Variants in MAP2 observed in about 807,000 individuals in gnomAD.
MAP2 encodes microtubule-associated protein 2.
In MAP2, 14 loss-of-function variants were observed where a neutral mutation model predicts 137.6. That is an observed-to-expected ratio of 0.10 (90% CI 0.07 to 0.16). MAP2 has a LOEUF of 0.16. Ranked by LOEUF, MAP2 falls within the 10% of genes least tolerant of loss-of-function variation. The pLI is 1.00. For missense variants in MAP2, 2,088 were observed against 2,191.5 expected, an observed-to-expected ratio of 0.95 and a Z score of 0.94; for synonymous variants, 786 against 782.3, an observed-to-expected ratio of 1.00 and a Z score of -0.08.
intron 11 of MAP2, chr2:209,703,964 T>C: frequency 2.2e-6 from 1 of 455,520 alleles, no homozygotes; most frequent in Non-Finnish European, 4.4e-6. Flanking sequence ...GTATAACAGA[T>C]TTTTTATTTT....
intron 2 of MAP2, among the ~76,000 whole-genome samples, chr2:209,510,176 A>G (rs1033551795): frequency 1.3e-5 from 2 of 151,898 alleles, no homozygotes; most frequent in African/African-American, 4.8e-5. Context: ...TTTATTATTA[A>G]TACTGCTACC....
At chr2:209,682,185 T>G (rs1229512263) in intron 7 of MAP2, among the ~76,000 whole-genome samples, 1 of 152,096 alleles carries the variant, frequency 6.6e-6, no homozygotes, top group Non-Finnish European at 1.5e-5. Context: ...TATATACTAG[T>G]GAACAAAACA....
intron 2 of MAP2, among the ~76,000 whole-genome samples, chr2:209,519,035 GATTA>G (rs2062909165): frequency 6.6e-6 from 1 of 151,954 alleles, no homozygotes; most frequent in Non-Finnish European, 1.5e-5. Context: ...CAGGGAGACG[GATTA>G]ATTAAAATCA....
In MAP2 at chr2:209,578,516, T is replaced by C. The variant is rs569538417; in HGVS notation, c.-171-1520T>C. 6.6e-5 allele frequency among the ~76,000 whole-genome samples: 10 copies of C among 152,214 alleles called. No homozygotes were observed. The South Asian group carries it at 2.1e-3, about 32-fold the overall frequency. ...CATCATATTTTTTTTTTCTTGACTT[T>C]CTGTTTCCAGTAACCATGGTGATGC... is the stretch of plus-strand genomic sequence containing the variant. On this transcript the variant is annotated intron_variant, in intron 2 of 15. Transcript: ENST00000682079.
chr2:209,664,962 C>CAAAAAAAAAAAAAAAAA (rs67286716), intron 5 of MAP2, among the ~76,000 whole-genome samples: 5 of 51,830 alleles, frequency 9.6e-5, no homozygotes, highest in Non-Finnish European at 1.2e-4. Flanking sequence ...AACTCCGTCT[C>CAAAAAAAAAAAAAAAAA]AAAAAAAAAA....
At chr2:209,670,894 A>G (rs943314540) in intron 5 of MAP2, among the ~76,000 whole-genome samples, 1 of 151,902 alleles carries the variant, frequency 6.6e-6, no homozygotes, top group Admixed American at 6.6e-5. Context: ...ATGTAGGAAT[A>G]CCATATCTTA....
chr2:209,691,146 C>G (rs1029339143), intron 7 of MAP2, among the ~76,000 whole-genome samples: 1 of 151,200 alleles, frequency 6.6e-6, no homozygotes, highest in Non-Finnish European at 1.5e-5. Context: ...TACCCGCCCC[C>G]CCTCATCTCA....
At chr2:209,587,766 G>T (rs2078135850) in intron 3 of MAP2, among the ~76,000 whole-genome samples, 1 of 152,114 alleles carries the variant, frequency 6.6e-6, no homozygotes, top group Non-Finnish European at 1.5e-5. Flanking sequence ...ATCCTTATTA[G>T]CATTTATCCT....
chr2:209,485,642 A>T (rs534789270), intron 1 of MAP2, among the ~76,000 whole-genome samples: 3 of 152,234 alleles, frequency 2.0e-5, no homozygotes, highest in Non-Finnish European at 2.9e-5. Context: ...GTTTGCTTAT[A>T]GAACTAAGCA....
At chr2:209,640,718 G>T (rs1429680085) in intron 4 of MAP2, among the ~76,000 whole-genome samples, 1 of 152,080 alleles carries the variant, frequency 6.6e-6, no homozygotes, top group Admixed American at 6.6e-5. Flanking sequence ...ATCCCATAAA[G>T]AGAAGGGCAC....
intron 2 of MAP2, among the ~76,000 whole-genome samples, chr2:209,511,712 C>T (rs13015584): frequency 0.058 from 8,782 of 151,952 alleles, 282 homozygotes; most frequent in South Asian, 0.091. Context: ...CTTAGGAGTA[C>T]AGGTGTGTGC....
At chr2:209,667,499 G>A (rs2153653989) in intron 5 of MAP2, among the ~76,000 whole-genome samples, 1 of 152,028 alleles carries the variant, frequency 6.6e-6, no homozygotes, top group East Asian at 1.9e-4. Flanking sequence ...TTGGTCAACT[G>A]CTTCATGATC....
intron 2 of MAP2, among the ~76,000 whole-genome samples, chr2:209,552,682 GA>G (rs988768133): frequency 3.3e-5 from 5 of 152,000 alleles, no homozygotes; most frequent in Admixed American, 2.6e-4. Context: ...CCAACATAGT[GA>G]AACCCCATCT....
intron 2 of MAP2, chr2:209,579,354 C>T (rs2075878575): frequency 6.6e-6 from 1 of 152,132 alleles, no homozygotes; most frequent in Admixed American, 6.6e-5. Context: ...ATAGACTCGA[C>T]TCCTGGGGAC....
intron 7 of MAP2, among the ~76,000 whole-genome samples, chr2:209,687,892 C>T (rs995663789): frequency 6.6e-6 from 1 of 152,128 alleles, no homozygotes; most frequent in African/African-American, 2.4e-5. Context: ...CAGCTCAGAA[C>T]GGACCACCTC....
intron 7 of MAP2, among the ~76,000 whole-genome samples, 176 bp from the exon 8 acceptor site, chr2:209,692,449 C>T (rs1460223733): frequency 6.6e-6 from 1 of 152,092 alleles, no homozygotes; most frequent in Non-Finnish European, 1.5e-5. Flanking sequence ...TAATAGTACA[C>T]ATATATCTCA....
Position 209,696,043 on chromosome 2 carries a change from C to T in MAP2, c.3873C>T (p.Phe1291=), listed in dbSNP as rs773314248. ...CTGTTGTGACCATCGAGGATGATTT[C>T]ATCACTGTAGTGCAAACCACAACTG... ...IESVVTIEDD[F]ITVVQTTTDE... is the part of the protein sequence containing the mutation. Residue 1291 remains phenylalanine (F), a synonymous_variant, in exon 8 of 16, where the codon TTC becomes TTT. Transcript: ENST00000682079. 3.1e-6 allele frequency: 5 copies of T among 1,614,110 alleles called. No homozygotes were observed. In the East Asian group the frequency reaches 1.1e-4, roughly 36 times the overall value.
chr2:209,616,609 C>T (rs1011866228), intron 3 of MAP2, among the ~76,000 whole-genome samples: 1 of 152,198 alleles, frequency 6.6e-6, no homozygotes, highest in Non-Finnish European at 1.5e-5. Context: ...TTTTGCAATA[C>T]GTCTCTCAGC....
intron 2 of MAP2, among the ~76,000 whole-genome samples, chr2:209,565,552 A>G (rs772678388): frequency 6.6e-6 from 1 of 152,164 alleles, no homozygotes; most frequent in Non-Finnish European, 1.5e-5. Flanking sequence ...ATTGAATTAT[A>G]TCTGTATTTC....
Sources: allele counts gnomAD v4.1 joint callset (sites outside exome capture counted in the v4.1 genomes callset), GRCh38; gene constraint gnomAD v4.1.1; transcripts MANE v1.5; gene names NCBI Gene and HGNC (gene_info 2026-07-23, HGNC 2026-07-21).